PDE4D: variants seen among roughly 807,000 people sequenced by gnomAD.
The protein encoded by PDE4D is 3',5'-cyclic-AMP phosphodiesterase 4D.
In PDE4D, 24 loss-of-function variants were observed where a neutral mutation model predicts 87.4. That is an observed-to-expected ratio of 0.27 (90% CI 0.20 to 0.39). PDE4D has a LOEUF of 0.39. Ranked by LOEUF, PDE4D falls within the 10% of genes least tolerant of loss-of-function variation. PDE4D has a pLI of 1.00. For synonymous variants in PDE4D, 384 were observed against 383.2 expected, an observed-to-expected ratio of 1.00 and a Z score of -0.02; for missense variants, 714 against 1,041.0, an observed-to-expected ratio of 0.69 and a Z score of 4.32.
intron 1 of PDE4D, among the ~76,000 whole-genome samples, chr5:59,822,571 C>T (rs193018744): frequency 6.6e-6 from 1 of 152,048 alleles, no homozygotes; most frequent in African/African-American, 2.4e-5. Flanking sequence ...TGAACTTTGG[C>T]ATATTTAATA....
chr5:59,125,204 C>T (rs1408642973), intron 5 of PDE4D: 1 of 752,410 alleles, frequency 1.3e-6, no homozygotes, highest in Non-Finnish European at 1.6e-6. Context: ...TAGAGTTAGA[C>T]TGGTGTCCAT....
intron 1 of PDE4D, among the ~76,000 whole-genome samples, chr5:60,464,879 A>G (rs1489950947): frequency 6.6e-6 from 1 of 152,172 alleles, no homozygotes; most frequent in African/African-American, 2.4e-5. Context: ...AGGTGGGAGG[A>G]TGGTGGGAAG....
At chr5:60,463,826 A>G (rs1024788144) in intron 1 of PDE4D, among the ~76,000 whole-genome samples, 6 of 152,198 alleles carry the variant, frequency 3.9e-5, no homozygotes, top group African/African-American at 1.4e-4. Flanking sequence ...TGCCAATTCA[A>G]ACACGTCCTG....
At chr5:59,715,101 G>C (rs1047896959) in intron 1 of PDE4D, among the ~76,000 whole-genome samples, 1 of 152,268 alleles carries the variant, frequency 6.6e-6, no homozygotes, top group Admixed American at 6.5e-5. Context: ...GGGCTCATGA[G>C]AGCATGGCAG....
At chr5:59,469,536 G>C (rs1206322432) in intron 1 of PDE4D, among the ~76,000 whole-genome samples, 2 of 152,124 alleles carry the variant, frequency 1.3e-5, no homozygotes, top group African/African-American at 4.8e-5. Context: ...CTCTACACAA[G>C]GAAGGCAGGG....
chr5:60,304,031 C>G (rs961735900), intron 1 of PDE4D: 19 of 152,142 alleles, frequency 1.2e-4, no homozygotes, highest in African/African-American at 4.3e-4. Flanking sequence ...GAATCGAACC[C>G]TTTACTATTA....
chr5:59,668,839 GGAAGAGGAAGAA>G (rs1561441119), intron 1 of PDE4D, among the ~76,000 whole-genome samples: 13 of 59,144 alleles, frequency 2.2e-4, no homozygotes, highest in African/African-American at 3.5e-4. Context: ...AAGAGGAAGA[GGAAGAGGAAGAA>G]GAAGAAGAAG....
At chr5:59,231,829 T>C (rs769253101) in intron 1 of PDE4D, among the ~76,000 whole-genome samples, 1 of 152,218 alleles carries the variant, frequency 6.6e-6, no homozygotes, top group Non-Finnish European at 1.5e-5. Context: ...TTAACAGATA[T>C]TTTCATTATG....
At chr5:60,504,730 G>A (rs1025497117) in intron 1 of PDE4D, among the ~76,000 whole-genome samples, 2 of 152,098 alleles carry the variant, frequency 1.3e-5, no homozygotes, top group Non-Finnish European at 2.9e-5. Flanking sequence ...TAAAATTGAC[G>A]TAATGGCTTT....
At chr5:59,403,152 G>GACAC (rs1790980059) in intron 1 of PDE4D, among the ~76,000 whole-genome samples, 1 of 133,514 alleles carries the variant, frequency 7.5e-6, no homozygotes, top group Non-Finnish European at 1.6e-5. Context: ...TAGACAGACA[G>GACAC]ACAGACAGAC....
intron 1 of PDE4D, among the ~76,000 whole-genome samples, chr5:59,670,252 G>A (rs1216785579): frequency 1.3e-5 from 2 of 152,154 alleles, no homozygotes; most frequent in African/African-American, 4.8e-5. Context: ...TGACACACAA[G>A]TACTCTGTAA....
At chr5:60,351,727 T>A (rs1016156396) in intron 1 of PDE4D, among the ~76,000 whole-genome samples, 1 of 152,144 alleles carries the variant, frequency 6.6e-6, no homozygotes, top group Non-Finnish European at 1.5e-5. Context: ...AATATAATTA[T>A]GAAGCAATGA....
chr5:59,254,174 C>G (rs961908445), intron 1 of PDE4D, among the ~76,000 whole-genome samples: 3 of 152,016 alleles, frequency 2.0e-5, no homozygotes, highest in African/African-American at 7.2e-5. Context: ...ACACATGATA[C>G]TTGGAGAAGA....
chr5:59,847,309 A>AG (rs1163751380), intron 1 of PDE4D, among the ~76,000 whole-genome samples: 2 of 152,082 alleles, frequency 1.3e-5, no homozygotes, highest in East Asian at 3.9e-4. Flanking sequence ...CCTGCGGAGT[A>AG]GGTCAACTCA....
intron 1 of PDE4D, among the ~76,000 whole-genome samples, chr5:60,343,311 A>T: frequency 6.6e-6 from 1 of 152,178 alleles, no homozygotes; most frequent in East Asian, 1.9e-4. Flanking sequence ...AACACTAAAA[A>T]TGCTGAAATG....
At chr5:60,242,458 C>G (rs1747237773) in intron 1 of PDE4D, among the ~76,000 whole-genome samples, 1 of 152,120 alleles carries the variant, frequency 6.6e-6, no homozygotes, top group Admixed American at 6.6e-5. Context: ...TTAATATGCA[C>G]TATAGACCAA....
intron 1 of PDE4D, among the ~76,000 whole-genome samples, chr5:59,436,814 T>G (rs1796863413): frequency 6.6e-6 from 1 of 152,188 alleles, no homozygotes; most frequent in South Asian, 2.1e-4. Flanking sequence ...TGTCATTGCC[T>G]CCAAAACCCA....
intron 1 of PDE4D, among the ~76,000 whole-genome samples, chr5:59,505,215 C>A (rs991144015): frequency 6.6e-6 from 1 of 152,080 alleles, no homozygotes; most frequent in African/African-American, 2.4e-5. Flanking sequence ...GCAAAAAGAA[C>A]CCAGAGGAGA....
intron 1 of PDE4D, among the ~76,000 whole-genome samples, chr5:59,751,370 A>G (rs1760429211): frequency 6.6e-6 from 1 of 152,162 alleles, no homozygotes; most frequent in East Asian, 1.9e-4. Context: ...AAAGTAGAAG[A>G]GCAGTAGCTA....
Sources: allele counts gnomAD v4.1 joint callset (sites outside exome capture counted in the v4.1 genomes callset), GRCh38; gene constraint gnomAD v4.1.1; transcripts MANE v1.5; gene names NCBI Gene and HGNC (gene_info 2026-07-23, HGNC 2026-07-21).